CCDC148: variants seen among roughly 807,000 people sequenced by gnomAD.
CCDC148 encodes the protein coiled-coil domain containing 148, also known as coiled-coil domain-containing protein 148.
In CCDC148, 89 loss-of-function variants were observed where a neutral mutation model predicts 85.7. The observed-to-expected ratio is 1.04, with a 90% confidence interval of 0.87 to 1.24. The LOEUF (loss-of-function observed/expected upper bound fraction) is 1.24. Ranked by LOEUF, CCDC148 falls within the 50% of genes most tolerant of loss-of-function variation. The probability of loss-of-function intolerance (pLI) is 0.00; values close to 1 mark genes in which losing one functional copy is unlikely to be tolerated. For synonymous variants in CCDC148, 230 were observed against 213.9 expected (o/e 1.08, Z -0.66); for missense variants, 692 against 671.7 (o/e 1.03, Z -0.33).
rs1692321894 is a variant in CCDC148 at position 158,317,220 on chromosome 2, A to G, written c.765-3326T>C. ...GCAATTTACAAAAAAAAATCTTTAG[A>G]CAAAAAATCTTTAGCAGTTCTCTGC... On this transcript the variant is annotated intron_variant, in intron 7 of 13. Transcript: ENST00000283233. Among the ~76,000 whole-genome samples, 3 of 152,240 alleles carry G rather than the reference A, an allele frequency of 2.0e-5. No individual in the cohort carries two copies. The South Asian group carries it at 6.2e-4, about 32-fold the overall frequency.
chr2:158,357,203 C>A (rs1183219699), intron 2 of CCDC148, among the ~76,000 whole-genome samples: 2 of 147,808 alleles, frequency 1.4e-5, no homozygotes, highest in Non-Finnish European at 3.0e-5. Context: ...ACTATGTGCA[C>A]ATGTACCCTA....
intron 11 of CCDC148, among the ~76,000 whole-genome samples, chr2:158,182,215 A>G (rs1669359552): frequency 6.6e-6 from 1 of 152,046 alleles, no homozygotes; most frequent in African/African-American, 2.4e-5. Context: ...AGTAGAACGG[A>G]ATTGAAGCCA....
At chr2:158,312,578 C>CAAAAAAAAAAAAAAAAACAA (rs1692080350) in intron 8 of CCDC148, among the ~76,000 whole-genome samples, 1 of 76,118 alleles carries the variant, frequency 1.3e-5, no homozygotes, top group African/African-American at 5.9e-5. Flanking sequence ...GAATCCATCT[C>CAAAAAAAAAAAAAAAAACAA]AAAAAAAAAA....
At chr2:158,433,091 A>T (rs11405133) in intron 1 of CCDC148, among the ~76,000 whole-genome samples, 27,304 of 52,152 alleles carry the variant, frequency 0.52, 8,298 homozygotes, top group Admixed American at 0.66. Context: ...AAAAAAAAAA[A>T]ATATATATAT....
intron 1 of CCDC148, among the ~76,000 whole-genome samples, chr2:158,435,513 C>T (rs1421265489): frequency 6.6e-6 from 1 of 152,178 alleles, no homozygotes; most frequent in African/African-American, 2.4e-5. Context: ...GTACTGGCCA[C>T]TGCAAAAACA....
intron 1 of CCDC148, among the ~76,000 whole-genome samples, chr2:158,437,963 T>G (rs376475637): frequency 3.5e-4 from 53 of 152,042 alleles, no homozygotes; most frequent in Middle Eastern, 3.4e-3. Context: ...CACTGCTCAA[T>G]GAAATAAAAG....
At chr2:158,282,920 C>A (rs1454786862) in intron 9 of CCDC148, among the ~76,000 whole-genome samples, 2 of 152,112 alleles carry the variant, frequency 1.3e-5, no homozygotes, top group Non-Finnish European at 2.9e-5. Context: ...GGTACTTGTA[C>A]CAAAACAGAG....
At chr2:158,192,528 T>C (rs970430011) in intron 11 of CCDC148, among the ~76,000 whole-genome samples, 1 of 152,068 alleles carries the variant, frequency 6.6e-6, no homozygotes, top group African/African-American at 2.4e-5. Context: ...AAGTTTACAA[T>C]GGCCAAGCGT....
chr2:158,385,948 C>T (rs1685068320), intron 1 of CCDC148, among the ~76,000 whole-genome samples: 3 of 152,240 alleles, frequency 2.0e-5, no homozygotes, highest in South Asian at 4.1e-4. Context: ...TTCTGTGCTA[C>T]TGCCTCATCC....
intron 10 of CCDC148, among the ~76,000 whole-genome samples, chr2:158,248,434 A>T (rs1348910414): frequency 2.0e-5 from 3 of 152,204 alleles, no homozygotes; most frequent in Non-Finnish European, 4.4e-5. Context: ...TAAATGAAAA[A>T]GTATTTTAAA....
At chr2:158,291,224 A>G (rs960814108) in intron 9 of CCDC148, among the ~76,000 whole-genome samples, 1 of 152,136 alleles carries the variant, frequency 6.6e-6, no homozygotes, top group Non-Finnish European at 1.5e-5. Context: ...AGTGGCTGGT[A>G]TTACAGGCAT....
intron 1 of CCDC148, among the ~76,000 whole-genome samples, chr2:158,373,774 C>A (rs187977339): frequency 1.3e-5 from 2 of 151,990 alleles, no homozygotes; most frequent in African/African-American, 4.8e-5. Context: ...TTATTCTTCA[C>A]CCTCTCATTC....
chr2:158,186,368 T>A (rs1320463536), intron 11 of CCDC148, among the ~76,000 whole-genome samples: 1 of 152,048 alleles, frequency 6.6e-6, no homozygotes, highest in Non-Finnish European at 1.5e-5. Context: ...GTTATATGCC[T>A]CCAGGTCTGG....
At chr2:158,416,802 C>T (rs955931473) in intron 1 of CCDC148, among the ~76,000 whole-genome samples, 1 of 152,120 alleles carries the variant, frequency 6.6e-6, no homozygotes. Flanking sequence ...ATAGCAATGC[C>T]CCACTTCTCA....
At chr2:158,386,439 G>A (rs774537971) in intron 1 of CCDC148, among the ~76,000 whole-genome samples, 17 of 151,784 alleles carry the variant, frequency 1.1e-4, no homozygotes, top group Non-Finnish European at 1.6e-4. Flanking sequence ...TCTGCTTCCC[G>A]GTACATGAAG....
intron 10 of CCDC148, among the ~76,000 whole-genome samples, chr2:158,234,733 A>G (rs1412352027): frequency 6.6e-6 from 1 of 152,194 alleles, no homozygotes; most frequent in African/African-American, 2.4e-5. Flanking sequence ...AAAAGGGGAA[A>G]ATATGCAAAA....
chr2:158,193,555 A>G (rs1405980857), intron 11 of CCDC148, among the ~76,000 whole-genome samples: 1 of 152,056 alleles, frequency 6.6e-6, no homozygotes, highest in Admixed American at 6.6e-5. Flanking sequence ...ACACTCAGAT[A>G]GTAACGATAA....
At chr2:158,279,317 G>A (rs540292417) in intron 9 of CCDC148, among the ~76,000 whole-genome samples, 13 of 152,244 alleles carry the variant, frequency 8.5e-5, no homozygotes, top group East Asian at 7.7e-4. Context: ...GGCTTCAGAC[G>A]ATCAAACTAC....
chr2:158,328,061 A>G (rs1276926418), intron 7 of CCDC148, among the ~76,000 whole-genome samples: 1 of 152,040 alleles, frequency 6.6e-6, no homozygotes, highest in Admixed American at 6.6e-5. Flanking sequence ...CATGTGCACA[A>G]TGTGCAGGTT....
Sources: gnomAD v4.1 joint callset for allele counts (sites outside exome capture counted in the v4.1 genomes callset) on GRCh38, gnomAD v4.1.1 for gene constraint, MANE v1.5 for transcripts, NCBI Gene and HGNC (gene_info 2026-07-23, HGNC 2026-07-21) for gene names.